KCNH7: variants seen among roughly 807,000 people sequenced by gnomAD.
KCNH7 encodes the protein voltage-gated inwardly rectifying potassium channel KCNH7.
In KCNH7, 49 loss-of-function variants were observed where a neutral mutation model predicts 120.8. That is an observed-to-expected ratio of 0.41 (90% CI 0.32 to 0.51). The LOEUF (loss-of-function observed/expected upper bound fraction) is 0.51, where lower values mean the gene tolerates loss of function less well. Ranked by LOEUF, KCNH7 falls within the 20% of genes least tolerant of loss-of-function variation. The pLI, the probability that KCNH7 is intolerant of heterozygous loss-of-function variation, is 0.38. For missense variants in KCNH7, 1,097 were observed against 1,446.6 expected (o/e 0.76, Z 3.92); for synonymous variants, 547 against 516.1 (o/e 1.06, Z -0.81).
At chr2:162,697,696 C>T (rs1686343488) in intron 2 of KCNH7, among the ~76,000 whole-genome samples, 2 of 152,096 alleles carry the variant, frequency 1.3e-5, no homozygotes, top group East Asian at 1.9e-4. Flanking sequence ...TAATGCTAAA[C>T]ATTTGTTTTG....
At chr2:162,564,644 A>G (rs1381102511) in intron 2 of KCNH7, among the ~76,000 whole-genome samples, 1 of 152,148 alleles carries the variant, frequency 6.6e-6, no homozygotes, top group Non-Finnish European at 1.5e-5. Context: ...CATTTTATGC[A>G]TGACCTTGAC....
intron 2 of KCNH7, among the ~76,000 whole-genome samples, chr2:162,681,262 T>A (rs1172095811): frequency 1.3e-5 from 2 of 151,720 alleles, no homozygotes; most frequent in Non-Finnish European, 3.0e-5. Context: ...AAGCAGTGTA[T>A]GTCAAGTAGT....
chr2:162,619,817 C>T (rs1574178688), intron 2 of KCNH7, among the ~76,000 whole-genome samples: 1 of 152,004 alleles, frequency 6.6e-6, no homozygotes, highest in African/African-American at 2.4e-5. Context: ...GCTTGACAAT[C>T]TAATTTATTA....
At chr2:162,711,465 C>A (rs116621630) in intron 2 of KCNH7, among the ~76,000 whole-genome samples, 2 of 152,218 alleles carry the variant, frequency 1.3e-5, no homozygotes, top group African/African-American at 4.8e-5. Context: ...ACTTCTGCAA[C>A]GTGCGTTGCT....
At chr2:162,691,355 A>G (rs1381301222) in intron 2 of KCNH7, among the ~76,000 whole-genome samples, 1 of 152,054 alleles carries the variant, frequency 6.6e-6, no homozygotes, top group Non-Finnish European at 1.5e-5. Flanking sequence ...TCAATAGCTA[A>G]ATTTTTTGTA....
chr2:162,763,664 AG>A (rs978203978), intron 2 of KCNH7, among the ~76,000 whole-genome samples: 5 of 151,848 alleles, frequency 3.3e-5, no homozygotes, highest in African/African-American at 9.7e-5. Context: ...TTAGAGGGCT[AG>A]TAATGCTGTC....
chr2:162,582,584 G>T (rs1287694235), intron 2 of KCNH7, among the ~76,000 whole-genome samples: 1 of 152,160 alleles, frequency 6.6e-6, no homozygotes, highest in East Asian at 1.9e-4. Flanking sequence ...CTGCTGAAGG[G>T]GGCCTGGCTG....
At chr2:162,437,550 AC>A (rs1416017033) in intron 7 of KCNH7, among the ~76,000 whole-genome samples, 1 of 152,144 alleles carries the variant, frequency 6.6e-6, no homozygotes, top group Non-Finnish European at 1.5e-5. Context: ...GAACAGACAA[AC>A]TTATGTTTGA....
intron 14 of KCNH7, 48 bp downstream of exon 14, chr2:162,379,805 A>G (rs1388701077): frequency 6.3e-7 from 1 of 1,582,266 alleles, no homozygotes; most frequent in Non-Finnish European, 8.6e-7. Flanking sequence ...AACTGGACCC[A>G]TGTAAGGGGT....
At chr2:162,554,878 C>T (rs1001163456) in intron 2 of KCNH7, among the ~76,000 whole-genome samples, 1 of 152,166 alleles carries the variant, frequency 6.6e-6, no homozygotes, top group Non-Finnish European at 1.5e-5. Context: ...AGGGCATGAA[C>T]CTTTTTCCAG....
intron 2 of KCNH7, among the ~76,000 whole-genome samples, chr2:162,558,569 G>A (rs1692944988): frequency 7.2e-6 from 1 of 137,940 alleles, no homozygotes; most frequent in Non-Finnish European, 1.5e-5. Flanking sequence ...ATGAGAACCT[G>A]CAGTATGTAG....
intron 2 of KCNH7, among the ~76,000 whole-genome samples, chr2:162,740,323 C>A (rs1028199979): frequency 3.9e-5 from 6 of 152,168 alleles, no homozygotes; most frequent in Admixed American, 2.6e-4. Flanking sequence ...CATTAGGCAG[C>A]TAATAAAGCA....
chr2:162,470,564 C>G (rs191682838), intron 6 of KCNH7, among the ~76,000 whole-genome samples: 5 of 151,670 alleles, frequency 3.3e-5, no homozygotes, highest in Admixed American at 3.3e-4. Context: ...CCACCCCGTC[C>G]GGGAGGGAGG....
intron 2 of KCNH7, among the ~76,000 whole-genome samples, chr2:162,639,056 C>A (rs564650862): frequency 9.2e-5 from 14 of 152,224 alleles, no homozygotes; most frequent in African/African-American, 3.4e-4. Flanking sequence ...ACTAATAGCA[C>A]ACTTCCCCCT....
intron 2 of KCNH7, among the ~76,000 whole-genome samples, chr2:162,574,709 C>T (rs920596329): frequency 2.6e-5 from 4 of 152,004 alleles, no homozygotes; most frequent in Non-Finnish European, 5.9e-5. Flanking sequence ...TGAAAGGAGC[C>T]TGTGAGCTCA....
intron 2 of KCNH7, among the ~76,000 whole-genome samples, chr2:162,615,090 G>C (rs932025148): frequency 8.5e-5 from 13 of 152,164 alleles, no homozygotes; most frequent in African/African-American, 2.9e-4. Context: ...TTCAAATTGT[G>C]TGCTTTTAAT....
At chr2:162,592,271 A>G (rs1478256952) in intron 2 of KCNH7, among the ~76,000 whole-genome samples, 1 of 152,080 alleles carries the variant, frequency 6.6e-6, no homozygotes, top group African/African-American at 2.4e-5. Context: ...GAGTTATATT[A>G]AGGCAAGGAG....
chr2:162,743,519 A>G (rs1482353039), intron 2 of KCNH7, among the ~76,000 whole-genome samples: 2 of 152,204 alleles, frequency 1.3e-5, no homozygotes, highest in Non-Finnish European at 1.5e-5. Context: ...TACTAACAGA[A>G]GTAAAACTTG....
At chr2:162,547,252 G>T (rs1449639794) in intron 2 of KCNH7, among the ~76,000 whole-genome samples, 1 of 152,066 alleles carries the variant, frequency 6.6e-6, no homozygotes, top group Non-Finnish European at 1.5e-5. Flanking sequence ...TTCCCACCAG[G>T]TCTCTCTCTG....
Sources: allele counts gnomAD v4.1 joint callset (sites outside exome capture counted in the v4.1 genomes callset), GRCh38; gene constraint gnomAD v4.1.1; transcripts MANE v1.5; gene names NCBI Gene and HGNC (gene_info 2026-07-23, HGNC 2026-07-21).